ACSM1: variants seen among roughly 807,000 people sequenced by gnomAD.
ACSM1 encodes the protein acyl-CoA synthetase medium chain family member 1, also known as acyl-coenzyme A synthetase ACSM1, mitochondrial.
A neutral mutation model predicts 75.8 loss-of-function variants in ACSM1; 79 were observed. That is an observed-to-expected ratio of 1.04 (90% confidence interval 0.87 to 1.26). ACSM1 has a LOEUF of 1.26. Ranked by LOEUF, ACSM1 falls within the 50% of genes most tolerant of loss-of-function variation. ACSM1 has a pLI of 0.00. For synonymous variants in ACSM1, 279 were observed against 265.8 expected (o/e 1.05, Z -0.48); for missense variants, 676 against 720.1 (o/e 0.94, Z 0.70).
At chr16:20,691,640 G>A (rs773309826) in intron 1 of ACSM1, among the ~76,000 whole-genome samples, 1 of 152,038 alleles carries the variant, frequency 6.6e-6, no homozygotes, top group Non-Finnish European at 1.5e-5. Flanking sequence ...CATGGAAGCT[G>A]TGATATCTTT....
intron 4 of ACSM1, 22 bp from the exon 5 acceptor site, chr16:20,671,693 A>C (rs1180291750): frequency 6.6e-7 from 1 of 1,506,928 alleles, no homozygotes; most frequent in African/African-American, 1.4e-5. Flanking sequence ...TTCAAGACAA[A>C]AGGAAAAAAG....
chr16:20,649,260 C>A (rs181357857), intron 7 of ACSM1, among the ~76,000 whole-genome samples: 2 of 152,268 alleles, frequency 1.3e-5, no homozygotes, highest in Non-Finnish European at 2.9e-5. Flanking sequence ...ACCATAAATT[C>A]TCATCAGATG....
intron 9 of ACSM1, 93 bp downstream of exon 9, chr16:20,637,278 C>A: frequency 3.1e-6 from 3 of 967,998 alleles, no homozygotes; most frequent in Non-Finnish European, 5.1e-6. Context: ...ATGACTGGAG[C>A]AGGGAAGTGC....
intron 7 of ACSM1, among the ~76,000 whole-genome samples, chr16:20,645,741 C>T (rs147918043): frequency 0.017 from 2,524 of 152,204 alleles, 59 homozygotes; most frequent in African/African-American, 0.057. Context: ...CTCATTGGGA[C>T]GCAGAATCAG....
chr16:20,634,137 G>A (rs373534083), intron 10 of ACSM1, among the ~76,000 whole-genome samples: 16 of 152,246 alleles, frequency 1.1e-4, no homozygotes, highest in East Asian at 5.8e-4. Context: ...AAGGTCAGTC[G>A]TCAACAAATA....
At chr16:20,669,724 G>T in intron 6 of ACSM1, 103 bp downstream of exon 6, 2 of 1,195,962 alleles carry the variant, frequency 1.7e-6, no homozygotes, top group Non-Finnish European at 2.4e-6. Context: ...ATCATCTTAG[G>T]CTCATGGGCT....
At position 20,624,176 on chromosome 16, in the gene ACSM1, A is replaced by G; in HGVS notation, c.1567T>C (p.Ser523Pro). ...TTGGTCAGCTGATCCTTGTCATGGG[A>G]CAGGAACTGTGGGGTCAGGACAATA... The part of the protein sequence containing the change: ...AFIVLTPQFL[S>P]HDKDQLTKEL... The change falls in exon 13 of 14, where the codon TCC (serine) becomes CCC (proline). Residue 523 changes from serine (S) to proline (P), a missense_variant. Transcript: ENST00000520010. 6.2e-7 allele frequency: 1 copy of G among 1,613,080 alleles called. No homozygotes were observed. The highest frequency in any genetic ancestry group is 8.5e-7 in the Non-Finnish European group (1 of 1,179,296).
chr16:20,675,439 G>A (rs1159683018), intron 4 of ACSM1, among the ~76,000 whole-genome samples: 1 of 152,152 alleles, frequency 6.6e-6, no homozygotes, highest in African/African-American at 2.4e-5. Context: ...CTGTGGCAGG[G>A]AAAGGCACGT....
chr16:20,628,993 C>T (rs2017176323), intron 10 of ACSM1, among the ~76,000 whole-genome samples: 1 of 152,172 alleles, frequency 6.6e-6, no homozygotes, highest in Non-Finnish European at 1.5e-5. Flanking sequence ...CATCAAATTA[C>T]ATCCCTTTTT....
intron 1 of ACSM1, 117 bp downstream of exon 1, chr16:20,697,519 A>T (rs1045814008): frequency 6.6e-6 from 1 of 151,602 alleles, no homozygotes; most frequent in African/African-American, 2.4e-5. Flanking sequence ...AAGGTCACTC[A>T]ACTTAAAAGT....
In ACSM1 at chr16:20,684,530, T is replaced by C. The variant is rs1596951738; in HGVS notation, c.403+663A>G. Among the ~76,000 whole-genome samples the C allele has an allele frequency of 4.6e-5, 7 of 152,340 alleles. No individual in the cohort carries two copies. The South Asian group carries it at 1.4e-3, about 32-fold the overall frequency. ...ATTCTCCTGCCTAACGTGTCTAATC[T>C]GAATATAATCACAAAGAAAGAGTCA... On this transcript the variant is annotated intron_variant, in intron 3 of 13. Coordinates refer to ENST00000520010, the MANE Select transcript of ACSM1 (RefSeq NM_001318890.3).
At position 20,671,688 on chromosome 16, in the gene ACSM1, G is replaced by A. The variant is rs1324629118; in HGVS notation, c.612-17C>T. 4.0e-6 allele frequency: 6 copies of A among 1,514,120 alleles called. No individual in the cohort carries two copies. The Admixed American group carries it at 6.7e-5, about 17-fold the overall frequency. The allele number at this position is 1,514,120 out of a possible 1,614,324, so 93.8% of individuals were successfully genotyped here. ...GATGCTGATCTGCAAAGGGGTTCAA[G>A]ACAAAAGGAAAAAAGTCATGATTGC... On this transcript the variant is annotated splice_polypyrimidine_tract_variant and intron_variant, in intron 4 of 13. Transcript: ENST00000520010.
Position 20,623,279 on chromosome 16 carries a change from T to C in ACSM1, c.*207A>G. 3.6e-6 allele frequency: 2 copies of C among 550,222 alleles called. No individual in the cohort carries two copies. Among genetic ancestry groups the C allele is most frequent in the East Asian group, 3.2e-5 (1 of 31,588 alleles). 34.1% of individuals were successfully genotyped at this position (550,222 alleles called of 1,614,324 possible). Reference sequence around the variant, plus strand: ...ATTACTTGCGTTATGAGTGCTCACCTGGGAAATTCTAAAGATACAGAGGAC... The same window carrying C: ...ATTACTTGCGTTATGAGTGCTCACCCGGGAAATTCTAAAGATACAGAGGAC... On this transcript the variant is annotated 3_prime_UTR_variant, in exon 14 of 14. Coordinates refer to ENST00000520010, the MANE Select transcript of ACSM1 (RefSeq NM_001318890.3).
At chr16:20,636,609 C>A (rs930104562) in intron 10 of ACSM1, 130 bp downstream of exon 10, 2 of 677,210 alleles carry the variant, frequency 3.0e-6, no homozygotes, top group Non-Finnish European at 2.6e-6. Context: ...CGGTGAGCTT[C>A]GAGTTGAATG....
chr16:20,678,286 G>GA (rs906636619), intron 4 of ACSM1, among the ~76,000 whole-genome samples: 22 of 149,628 alleles, frequency 1.5e-4, no homozygotes, highest in East Asian at 5.9e-4. Context: ...GAACTGACCT[G>GA]AAAAAAAAAC....
chr16:20,637,588 G>C, intron 8 of ACSM1, 137 bp from the exon 9 acceptor site: 1 of 780,828 alleles, frequency 1.3e-6, no homozygotes, highest in South Asian at 1.6e-5. Flanking sequence ...AGCCCTCGTA[G>C]GGAAGCTGGA....
chr16:20,639,002 T>C (rs1414208519), intron 8 of ACSM1, among the ~76,000 whole-genome samples: 2 of 152,204 alleles, frequency 1.3e-5, no homozygotes, highest in African/African-American at 4.8e-5. Context: ...ATTAACTGAA[T>C]TGCTATATAT....
rs7189209 is a variant in ACSM1 at position 20,652,576 on chromosome 16, C to T, written c.992+9218G>A. On this transcript the variant is annotated intron_variant, in intron 7 of 13. Transcript: ENST00000520010. ...AAAAAAATGATAAAGGGGATATCAC[C>T]GCTGATACCACAGAAATACAAACTA... 3.0e-3 allele frequency among the ~76,000 whole-genome samples: 451 copies of T among 152,002 alleles called. 2 individuals carry two copies. The highest frequency in any genetic ancestry group is 0.014 in the Middle Eastern group (4 of 294).
intron 4 of ACSM1, among the ~76,000 whole-genome samples, chr16:20,677,191 T>A (rs2020338809): frequency 6.8e-6 from 1 of 147,672 alleles, no homozygotes. Flanking sequence ...GCCCCTCCTC[T>A]AGGAGGCTAA....
Sources: allele counts gnomAD v4.1 joint callset (sites outside exome capture counted in the v4.1 genomes callset), GRCh38; gene constraint gnomAD v4.1.1; transcripts MANE v1.5; gene names NCBI Gene and HGNC (gene_info 2026-07-23, HGNC 2026-07-21).